The following SPATA6 variants were observed in gnomAD, a reference collection of about 807,000 sequenced individuals.
SPATA6 encodes spermatogenesis-associated protein 6.
SPATA6 carries 56 observed loss-of-function variants against 65.3 expected under a neutral mutation model. That is an observed-to-expected ratio of 0.86 (90% CI 0.69 to 1.07). The LOEUF is 1.07. Among genes scored for constraint, SPATA6 ranks in the 50% least tolerant of loss-of-function variants. The probability of loss-of-function intolerance (pLI) is 0.00; values close to 1 mark genes in which losing one functional copy is unlikely to be tolerated. For synonymous variants in SPATA6, 199 were observed against 213.2 expected (o/e 0.93, Z 0.58); for missense variants, 590 against 594.8 (o/e 0.99, Z 0.08).
chr1:48,298,847 A>G lies in SPATA6; in HGVS notation c.1333T>C (p.Tyr445His), dbSNP rs138130686. 5 of 1,613,836 alleles carry G rather than the reference A, an allele frequency of 3.1e-6. No homozygotes were observed. The highest frequency in any genetic ancestry group is 4.2e-6 in the Non-Finnish European group (5 of 1,179,942). ...TAAGAGGCTGCCCTGTTGGACCAGT[A>G]TTCACCGTCATCCAAATGGAAAGTG... ...RGTFHLDDGE[Y>H]WSNRAASYKG... is the part of the protein sequence containing the mutation. The change falls in exon 13 of 13, where the codon TAC (tyrosine) becomes CAC (histidine). Residue 445 changes from tyrosine (Y) to histidine (H), a missense_variant. By Grantham distance (83) the Tyr-to-His change is moderately conservative. Coordinates refer to ENST00000371847, the MANE Select transcript of SPATA6 (RefSeq NM_019073.4).
chr1:48,436,640 T>C, intron 3 of SPATA6: 1 of 1,614,146 alleles, frequency 6.2e-7, no homozygotes, highest in South Asian at 1.1e-5. Flanking sequence ...TTCCCACAGT[T>C]CAGCACATCA....
chr1:48,300,053 G>C (rs553946266), intron 12 of SPATA6, among the ~76,000 whole-genome samples: 3 of 152,124 alleles, frequency 2.0e-5, no homozygotes, highest in African/African-American at 7.2e-5. Flanking sequence ...AAGAGAGCAC[G>C]CATGTAAGTG....
At chr1:48,266,093 G>T in the SPATA6 span, among the ~76,000 whole-genome samples, 1 of 152,142 alleles carries the variant, frequency 6.6e-6, no homozygotes. Flanking sequence ...ATGTAGCAAA[G>T]GTGGGTTAAT....
chr1:48,324,984 A>C (rs988724480), intron 11 of SPATA6: 7 of 197,950 alleles, frequency 3.5e-5, no homozygotes, highest in Non-Finnish European at 7.4e-5. Flanking sequence ...CTGATACTGC[A>C]CACATGGAAA....
chr1:48,380,174 G>A (rs1648396723), intron 9 of SPATA6, among the ~76,000 whole-genome samples: 1 of 152,180 alleles, frequency 6.6e-6, no homozygotes, highest in Non-Finnish European at 1.5e-5. Context: ...TCTAGAAAAT[G>A]TTCTGTGAGC....
chr1:48,469,937 G>A (rs1324239571), intron 1 of SPATA6, among the ~76,000 whole-genome samples: 1 of 151,992 alleles, frequency 6.6e-6, no homozygotes, highest in Non-Finnish European at 1.5e-5. Flanking sequence ...TGCAATCCTA[G>A]ATAAATAATA....
chr1:48,386,761 C>G (rs1649515719), intron 8 of SPATA6, among the ~76,000 whole-genome samples: 1 of 152,154 alleles, frequency 6.6e-6, no homozygotes, highest in African/African-American at 2.4e-5. Flanking sequence ...GGAGATTGTA[C>G]CATGCACTGC....
At chr1:48,313,793 G>C (rs1645306250) in intron 11 of SPATA6, among the ~76,000 whole-genome samples, 1 of 152,092 alleles carries the variant, frequency 6.6e-6, no homozygotes, top group African/African-American at 2.4e-5. Context: ...CTGTACTCAG[G>C]AGACCCATCT....
intron 9 of SPATA6, among the ~76,000 whole-genome samples, chr1:48,366,655 T>C (rs1647025829): frequency 6.6e-6 from 1 of 152,194 alleles, no homozygotes; most frequent in Non-Finnish European, 1.5e-5. Flanking sequence ...CCTTTATCAT[T>C]TTTTATTGCA....
chr1:48,281,740 G>A, the SPATA6 span, among the ~76,000 whole-genome samples: 7 of 151,902 alleles, frequency 4.6e-5, no homozygotes, highest in African/African-American at 7.3e-5. Context: ...AATCAATATC[G>A]TGAAAATGGC....
rs751795228 is a variant in SPATA6 at position 48,451,573 on chromosome 1, C to G, written c.217G>C (p.Asp73His). 2.4e-5 allele frequency: 38 copies of G among 1,612,430 alleles called. No individual in the cohort carries two copies. The South Asian group carries it at 4.0e-4, about 17-fold the overall frequency. The change falls in exon 3 of 13, where the codon GAT becomes CAT. Residue 73 changes from aspartate to histidine, a missense_variant. By Grantham distance (81) the Asp-to-His change is moderately conservative. Transcript: ENST00000371847. Reference sequence around the variant, plus strand: ...TTACATTCAAGCTGTGTAACCACATCTCCAGGATCTACTGCGTCCGGGAAC... The same window carrying G: ...TTACATTCAAGCTGTGTAACCACATGTCCAGGATCTACTGCGTCCGGGAAC... ...KVFPDAVDPG[D>H]VVTQLEYDTA...
At chr1:48,381,687 C>CTTTTT (rs34196190) in intron 9 of SPATA6, among the ~76,000 whole-genome samples, 2 of 121,710 alleles carry the variant, frequency 1.6e-5, no homozygotes, top group South Asian at 2.8e-4. Flanking sequence ...AATTTTTTTT[C>CTTTTT]TTTTTTTTTT....
At chr1:48,359,528 C>T (rs889195211) in intron 10 of SPATA6, 58 bp downstream of exon 10, 12 of 1,512,674 alleles carry the variant, frequency 7.9e-6, no homozygotes, top group Admixed American at 6.1e-5. Context: ...TTGCTGCTTC[C>T]CCTTCTAATA....
chr1:48,453,061 T>A lies in SPATA6; in HGVS notation c.122A>T (p.Tyr41Phe). The A allele has an allele frequency of 1.2e-6, 2 of 1,614,114 alleles. No homozygotes were observed. The highest frequency in any genetic ancestry group is 8.5e-7 in the Non-Finnish European group (1 of 1,180,004). The change falls in exon 2 of 13, where the codon TAC becomes TTC. Residue 41 changes from tyrosine (Y) to phenylalanine (F), a missense_variant. By Grantham distance (22) the Tyr-to-Phe change is conservative. Transcript: ENST00000371847. ...IYLSICVFGQ[Y>F]KKTQCVPATF... ...GGCTGGGACACATTGTGTCTTTTTG[T>A]ATTGGCCAAACACACAGATGCTAAG...
chr1:48,330,970 G>A (rs1178900117), intron 11 of SPATA6, among the ~76,000 whole-genome samples: 7 of 152,160 alleles, frequency 4.6e-5, no homozygotes, highest in Admixed American at 4.6e-4. Context: ...TGCAGAGGGG[G>A]CTCCTCCAAG....
rs1644830462 is a variant in SPATA6, at chr1:48,297,172, A to ATGTGT, written c.*1540_*1541insACACA. On this transcript the variant is annotated 3_prime_UTR_variant, in exon 13 of 13. Coordinates refer to ENST00000371847, the MANE Select transcript of SPATA6 (RefSeq NM_019073.4). ...TGTGTGTGTGTGTGTGTATGTGTGT[A>ATGTGT]GCAAACAGATTTTCCTAAACTTAGA... is the stretch of plus-strand genomic sequence containing the variant. 1 of 136,980 alleles carries ATGTGT rather than the reference A, an allele frequency of 7.3e-6. No homozygotes were observed. The highest frequency in any genetic ancestry group is 1.6e-5 in the Non-Finnish European group (1 of 63,408). 8.5% of individuals were successfully genotyped at this position (136,980 alleles called of 1,614,324 possible).
At chr1:48,430,567 G>T (rs114841935) in intron 3 of SPATA6, among the ~76,000 whole-genome samples, 1 of 152,046 alleles carries the variant, frequency 6.6e-6, no homozygotes, top group African/African-American at 2.4e-5. Context: ...GTAAATATGC[G>T]GGAAGTTATA....
chr1:48,419,989 T>G (rs960142953), intron 3 of SPATA6, among the ~76,000 whole-genome samples: 1 of 152,170 alleles, frequency 6.6e-6, no homozygotes, highest in Non-Finnish European at 1.5e-5. Context: ...ATGCCAATAC[T>G]GACTGATAGC....
At position 48,297,166 on chromosome 1, in the gene SPATA6, G is replaced by GTGTGTGTGTGTGTA. The variant is rs1644830409; in HGVS notation, c.*1546_*1547insTACACACACACACA. The GTGTGTGTGTGTGTA allele has an allele frequency of 1.3e-5, 2 of 150,758 alleles. No homozygotes were observed. The highest frequency in any genetic ancestry group is 4.9e-5 in the African/African-American group (2 of 40,582). The allele number at this position is 150,758 out of a possible 1,614,324, so 9.3% of individuals were successfully genotyped here. A position where few individuals can be genotyped will look rare whatever the true frequency, so the allele number is the denominator to read the frequency against. On this transcript the variant is annotated 3_prime_UTR_variant, in exon 13 of 13. Transcript: ENST00000371847. ...TGTGTGTGTGTGTGTGTGTGTGTAT[G>GTGTGTGTGTGTGTA]TGTGTAGCAAACAGATTTTCCTAAA...
Sources: gnomAD v4.1 joint callset for allele counts (sites outside exome capture counted in the v4.1 genomes callset) on GRCh38, gnomAD v4.1.1 for gene constraint, MANE v1.5 for transcripts, NCBI Gene and HGNC (gene_info 2026-07-23, HGNC 2026-07-21) for gene names.